CACNG8: variants seen among roughly 807,000 people sequenced by gnomAD.
CACNG8 encodes voltage-dependent calcium channel gamma-8 subunit.
CACNG8 carries 5 observed loss-of-function variants against 26.9 expected under a neutral mutation model. The observed-to-expected ratio is 0.19, with a 90% confidence interval of 0.10 to 0.39. The LOEUF (loss-of-function observed/expected upper bound fraction) is 0.39. Ranked by LOEUF, CACNG8 falls within the 10% of genes least tolerant of loss-of-function variation. The pLI, the probability that CACNG8 is intolerant of heterozygous loss-of-function variation, is 1.00. For synonymous variants in CACNG8, 321 were observed against 296.7 expected (o/e 1.08, Z -0.84); for missense variants, 473 against 609.4 (o/e 0.78, Z 2.36).
At chr19:53,975,318 A>G (rs1024786387) in intron 1 of CACNG8, among the ~76,000 whole-genome samples, 5 of 152,088 alleles carry the variant, frequency 3.3e-5, no homozygotes, top group Non-Finnish European at 5.9e-5. Context: ...TTTTGATTGC[A>G]TTTCCCCAAT....
chr19:53,974,902 AG>A (rs1288297876), intron 1 of CACNG8, among the ~76,000 whole-genome samples: 1 of 151,440 alleles, frequency 6.6e-6, no homozygotes, highest in Non-Finnish European at 1.5e-5. Context: ...GGCCTCTCAA[AG>A]TGCTGGGATT....
chr19:53,982,979 C>G lies in CACNG8; in HGVS notation c.*130C>G, dbSNP rs2069383806. On this transcript the variant is annotated 3_prime_UTR_variant, in exon 4 of 4. Transcript: ENST00000270458. This position sits in a 1 kb window ranked among gnomAD's most constrained non-coding sequence, Gnocchi z 8.4. ...GCTGGAGACTGCTGGGCCCGCCCCA[C>G]GCCCACCCTCCCCGCCCCCCTCCCC... 2.1e-6 allele frequency: 1 copy of G among 481,996 alleles called. No individual in the cohort carries two copies. The highest frequency in any genetic ancestry group is 2.1e-5 in the African/African-American group (1 of 48,184). The allele number at this position is 481,996 out of a possible 1,614,324, so 29.9% of individuals were successfully genotyped here.
At chr19:53,968,784 A>C (rs2069285671) in intron 1 of CACNG8, among the ~76,000 whole-genome samples, 1 of 150,736 alleles carries the variant, frequency 6.6e-6, no homozygotes, top group Admixed American at 6.6e-5. Flanking sequence ...AAAAAAAAAA[A>C]AAAAAAAGGG....
rs1355160651 is a variant in CACNG8 at position 53,979,851 on chromosome 19, C to G, written c.368-16C>G. ...CCCTCGCTCTCCCTCCTTTTCCTTT[C>G]CTTCCTCCCCCGCAGGAGTTGTCCG... On this transcript the variant is annotated splice_polypyrimidine_tract_variant and intron_variant, in intron 2 of 3. Transcript: ENST00000270458. 1.9e-6 allele frequency: 3 copies of G among 1,584,910 alleles called. No individual in the cohort carries two copies. In the African/African-American group the frequency reaches 4.1e-5, roughly 21 times the overall value.
At chr19:53,969,806 C>T in intron 1 of CACNG8, among the ~76,000 whole-genome samples, 1 of 152,124 alleles carries the variant, frequency 6.6e-6, no homozygotes, top group East Asian at 1.9e-4. Context: ...GCCTAAGGAG[C>T]GGCCGTTCTT....
intron 2 of CACNG8, among the ~76,000 whole-genome samples, chr19:53,979,506 G>T (rs1333593381): frequency 6.6e-6 from 1 of 151,932 alleles, no homozygotes; most frequent in Non-Finnish European, 1.5e-5. Context: ...GCAGACGAGA[G>T]GAAGGAAGGG....
Sources: allele counts gnomAD v4.1 joint callset (sites outside exome capture counted in the v4.1 genomes callset), GRCh38; gene constraint gnomAD v4.1.1; non-coding constraint Gnocchi (gnomAD v3.1); transcripts MANE v1.5; gene names NCBI Gene and HGNC (gene_info 2026-07-23, HGNC 2026-07-21).